The following INTS11 variants were observed in gnomAD, a reference collection of about 807,000 sequenced individuals.
The protein encoded by INTS11 is CPSF3-like protein.
Under a neutral mutation model 78.6 loss-of-function variants are expected in INTS11, and 77 were observed. The observed-to-expected ratio is 0.98, with a 90% confidence interval of 0.81 to 1.18. The LOEUF (loss-of-function observed/expected upper bound fraction) is 1.18. Ranked by LOEUF, INTS11 falls within the 50% of genes most tolerant of loss-of-function variation. The pLI, the probability that INTS11 is intolerant of heterozygous loss-of-function variation, is 0.00. For synonymous variants in INTS11, 441 were observed against 326.9 expected, an observed-to-expected ratio of 1.35 and a Z score of -3.77; for missense variants, 875 against 825.9, an observed-to-expected ratio of 1.06 and a Z score of -0.73.
chr1:1,311,805 A>G lies in INTS11; in HGVS notation c.*54T>C. On this transcript the variant is annotated 3_prime_UTR_variant, in exon 17 of 17. Coordinates refer to ENST00000435064, the MANE Select transcript of INTS11 (RefSeq NM_017871.6). Reference sequence around the variant, plus strand: ...ACCCACAGTCCTGAAGTGCAGGCCCAGGGTCTGTCCAGCTGGGAGAGGGCA... The same window carrying G: ...ACCCACAGTCCTGAAGTGCAGGCCCGGGGTCTGTCCAGCTGGGAGAGGGCA... 6.6e-7 allele frequency: 1 copy of G among 1,504,420 alleles called. No individual in the cohort carries two copies. The allele number at this position is 1,504,420 out of a possible 1,614,324, so 93.2% of individuals were successfully genotyped here.
Position 1,314,360 on chromosome 1 carries a change from C to T in INTS11, c.708G>A (p.Leu236=). Residue 236 remains leucine (L), a synonymous_variant, in exon 8 of 17, where the codon CTG becomes CTA. Coordinates refer to ENST00000435064, the MANE Select transcript of INTS11 (RefSeq NM_017871.6). The surrounding 1 kb of genome is among the most constrained non-coding windows in gnomAD (Gnocchi z 4.2). Reference sequence around the variant, plus strand: ...CGCGGCCCAGCGCGAACACAGGTATCAGCACCTGAGGGGGACACAAGGCAG... The same window carrying T: ...CGCGGCCCAGCGCGAACACAGGTATTAGCACCTGAGGGGGACACAAGGCAG... ...HETVERGGKV[L]IPVFALGRAQ... 3 of 1,606,774 alleles carry T rather than the reference C, an allele frequency of 1.9e-6. No homozygotes were observed. Among genetic ancestry groups the T allele is most frequent in the Non-Finnish European group, 2.5e-6 (3 of 1,177,304 alleles).
At chr1:1,318,731 C>A in intron 4 of INTS11, 1 of 479,316 alleles carries the variant, frequency 2.1e-6, no homozygotes, top group South Asian at 4.5e-5. Context: ...ATTAAATGTT[C>A]CAAAATACAT....
At chr1:1,320,060 G>T (rs1459827590) in intron 3 of INTS11, 3 of 227,836 alleles carry the variant, frequency 1.3e-5, no homozygotes. Flanking sequence ...GGGGCCAGCA[G>T]GAGTGCTGTG....
rs1240255342 is a variant in INTS11 at position 1,324,561 on chromosome 1, T to A, written c.28+20A>T. 6 of 1,589,078 alleles carry A rather than the reference T, an allele frequency of 3.8e-6. No homozygotes were observed. Among genetic ancestry groups the A allele is most frequent in the Non-Finnish European group, 5.1e-6 (6 of 1,169,974 alleles). On this transcript the variant is annotated intron_variant, in intron 1 of 16. Coordinates refer to ENST00000435064, the MANE Select transcript of INTS11 (RefSeq NM_017871.6). ...GCATACGGAGCCCACCCCACAGCCC[T>A]CCCGGCGGCTCCCACTCACCCAAGG...
At chr1:1,316,026 G>A (rs1642585874) in intron 4 of INTS11, 1 of 257,636 alleles carries the variant, frequency 3.9e-6, no homozygotes, top group South Asian at 4.4e-5. Flanking sequence ...GAAAAGACAA[G>A]GTTCAGAATG....
intron 10 of INTS11, 26 bp from the exon 11 acceptor site, chr1:1,313,150 C>T (rs769669296): frequency 1.3e-6 from 2 of 1,591,126 alleles, no homozygotes; most frequent in African/African-American, 2.7e-5. Flanking sequence ...GAGCTCACAG[C>T]CAGGGAACTC....
At chr1:1,322,837 G>A (rs1407231206) in intron 1 of INTS11, 28 of 1,069,412 alleles carry the variant, frequency 2.6e-5, no homozygotes, top group Non-Finnish European at 3.2e-5. Flanking sequence ...CACGGAGCCC[G>A]AGGCAGTCCC....
In INTS11 at chr1:1,313,891, G is replaced by A. The variant is rs1254982858; in HGVS notation, c.798C>T (p.Tyr266=). Residue 266 remains tyrosine (Y), a synonymous_variant, in exon 9 of 17, where the codon TAC becomes TAT. Coordinates refer to ENST00000435064, the MANE Select transcript of INTS11 (RefSeq NM_017871.6). ...WERMNLKVPI[Y]FSTGLTEKAN... ...CCTTCTCGGTCAGCCCCGTGGAGAA[G>A]TAGATGGGCACCTTCAGGTTCATGC... 5.0e-6 allele frequency: 8 copies of A among 1,612,938 alleles called. No homozygotes were observed. Among genetic ancestry groups the A allele is most frequent in the Admixed American group, 1.7e-5 (1 of 59,996 alleles).
Position 1,311,752 on chromosome 1 carries a change from G to A in INTS11, c.*107C>T. 6.9e-6 allele frequency: 8 copies of A among 1,154,792 alleles called. No individual in the cohort carries two copies. Among genetic ancestry groups the A allele is most frequent in the Middle Eastern group, 2.1e-4 (1 of 4,698 alleles). 71.5% of individuals were successfully genotyped at this position (1,154,792 alleles called of 1,614,324 possible). On this transcript the variant is annotated 3_prime_UTR_variant, in exon 17 of 17. Coordinates refer to ENST00000435064, the MANE Select transcript of INTS11 (RefSeq NM_017871.6). ...CACAAGGCCTCTGTCCCCAGGGATG[G>A]GACCTGCAGGGTCTGTTCACCCAGG...
intron 4 of INTS11, 90 bp downstream of exon 4, chr1:1,319,206 G>A (rs773958043): frequency 2.0e-5 from 24 of 1,184,688 alleles, no homozygotes; most frequent in Non-Finnish European, 3.0e-5. Flanking sequence ...TGAGGCCCCA[G>A]CCTTCCAGAA....
chr1:1,322,007 G>A, intron 1 of INTS11: 2 of 1,337,584 alleles, frequency 1.5e-6, no homozygotes, highest in Non-Finnish European at 1.9e-6. Flanking sequence ...GGGGATCTCA[G>A]GTTCTCTTCC....
In INTS11 at chr1:1,314,995, T is replaced by C. The variant is rs372914859; in HGVS notation, c.564-33A>G. 2 of 1,605,280 alleles carry C rather than the reference T, an allele frequency of 1.2e-6. No individual in the cohort carries two copies. Among genetic ancestry groups the C allele is most frequent in the African/African-American group, 2.7e-5 (2 of 74,886 alleles). On this transcript the variant is annotated intron_variant, in intron 6 of 16. Coordinates refer to ENST00000435064, the MANE Select transcript of INTS11 (RefSeq NM_017871.6). The surrounding 1 kb of genome is among the most constrained non-coding windows in gnomAD (Gnocchi z 4.2). ...ACGGGGGTGGGGGTGTGAGCCACGA[T>C]GCACTGTCCCCACGGTTGCAGGGCT...
At chr1:1,320,573 G>A (rs1642885267) in intron 2 of INTS11, 44 bp from the exon 3 acceptor site, 3 of 1,600,902 alleles carry the variant, frequency 1.9e-6, no homozygotes, top group Non-Finnish European at 1.7e-6. Context: ...TGGTCTCCAG[G>A]CAGCATCTGG....
At chr1:1,323,408 G>A (rs573507602) in intron 1 of INTS11, 35 of 1,145,456 alleles carry the variant, frequency 3.1e-5, no homozygotes, top group East Asian at 2.6e-5. Flanking sequence ...ATACTGTTAC[G>A]ACTTTGACTT....
chr1:1,315,181 ACCCAC>A, intron 6 of INTS11: 1 of 716,136 alleles, frequency 1.4e-6, no homozygotes, highest in East Asian at 2.7e-5. Flanking sequence ...AGACAGAGGC[ACCCAC>A]CCAGAGACTT....
rs1185203969 is a variant in INTS11 at position 1,319,402 on chromosome 1, C to T, written c.323G>A (p.Arg108His). The change falls in exon 4 of 17, where the codon CGC becomes CAC. Residue 108 changes from arginine (R) to histidine (H), a missense_variant. Arg to His is a conservative substitution (Grantham distance 29). Coordinates refer to ENST00000435064, the MANE Select transcript of INTS11 (RefSeq NM_017871.6). Reference protein sequence around the residue: ...AICPILLEDYRKIAVDKKGEA... With the variant: ...AICPILLEDYHKIAVDKKGEA... ...GCCCTTCTTGTCTACGGCGATCTTG[C>T]GGTAGTCCTCCAGCAAGATGGGGCA... 1 of 1,613,362 alleles carries T rather than the reference C, an allele frequency of 6.2e-7. No individual in the cohort carries two copies. The highest frequency in any genetic ancestry group is 2.2e-5 in the East Asian group (1 of 44,882).
chr1:1,314,119 A>C lies in INTS11; in HGVS notation c.767+182T>G, dbSNP rs1416017433. ...AACCAGGAACCCCTACAAGAGCCGC[A>C]CACGGTGGCGCTGACGGGATGTCAC... On this transcript the variant is annotated intron_variant, in intron 8 of 16. Coordinates refer to ENST00000435064, the MANE Select transcript of INTS11 (RefSeq NM_017871.6). The surrounding 1 kb of genome is among the most constrained non-coding windows in gnomAD (Gnocchi z 4.2). The C allele has an allele frequency of 3.9e-6, 3 of 764,802 alleles. No homozygotes were observed. Among genetic ancestry groups the C allele is most frequent in the Non-Finnish European group, 6.5e-6 (3 of 459,306 alleles). The allele number at this position is 764,802 out of a possible 1,614,324, so 47.4% of individuals were successfully genotyped here.
intron 3 of INTS11, chr1:1,319,732 A>G: frequency 1.7e-6 from 1 of 575,814 alleles, no homozygotes; most frequent in Non-Finnish European, 3.1e-6. Flanking sequence ...CAAACGGGAA[A>G]TTGAACACGT....
At position 1,312,680 on chromosome 1, in the gene INTS11, C is replaced by T. The variant is rs867727984; in HGVS notation, c.1315G>A (p.Ala439Thr). ...QELRVNCYMP[A>T]NGETVTLPTS... Reference sequence around the variant, plus strand: ...GGCAGCGTCACCGTCTCGCCATTGGCCGGCATGTAGCAGTTGACCCCTGGA... The same window carrying T: ...GGCAGCGTCACCGTCTCGCCATTGGTCGGCATGTAGCAGTTGACCCCTGGA... Residue 439 changes from alanine (A) to threonine (T), a missense_variant, in exon 13 of 17, where the codon GCC becomes ACC. Ala to Thr is a moderately conservative substitution (Grantham distance 58, BLOSUM62 0). Coordinates refer to ENST00000435064, the MANE Select transcript of INTS11 (RefSeq NM_017871.6). 6.3e-7 allele frequency: 1 copy of T among 1,594,880 alleles called. No homozygotes were observed. The highest frequency in any genetic ancestry group is 8.6e-7 in the Non-Finnish European group (1 of 1,167,652).
Sources: allele counts gnomAD v4.1 joint callset, GRCh38; gene constraint gnomAD v4.1.1; non-coding constraint Gnocchi (gnomAD v3.1); transcripts MANE v1.5; gene names NCBI Gene and HGNC (gene_info 2026-07-23, HGNC 2026-07-21).